Variants in IL7 observed in about 807,000 individuals in gnomAD.
IL7 encodes the protein interleukin-7.
IL7 carries 3 observed loss-of-function variants against 21.6 expected under a neutral mutation model. That is an observed-to-expected ratio of 0.14 (90% CI 0.06 to 0.36). IL7 has a LOEUF of 0.36. Among genes scored for constraint, IL7 ranks in the 10% least tolerant of loss-of-function variants. The pLI is 1.00. For synonymous variants in IL7, 62 were observed against 68.1 expected (o/e 0.91, Z 0.44); for missense variants, 175 against 200.2 (o/e 0.87, Z 0.76).
chr8:78,785,842 T>C (rs1343085385), intron 2 of IL7, among the ~76,000 whole-genome samples: 2 of 152,204 alleles, frequency 1.3e-5, no homozygotes, highest in Non-Finnish European at 2.9e-5. Context: ...AATTTCTAAG[T>C]GAAGCCACAG....
intron 1 of IL7, among the ~76,000 whole-genome samples, chr8:78,801,458 G>A (rs1419189125): frequency 6.6e-6 from 1 of 152,182 alleles, no homozygotes; most frequent in Non-Finnish European, 1.5e-5. Flanking sequence ...TTGGGAGGCT[G>A]AGGCAGGAGG....
intron 2 of IL7, among the ~76,000 whole-genome samples, chr8:78,775,244 G>A (rs189888944): frequency 1.2e-4 from 19 of 152,222 alleles, no homozygotes; most frequent in Admixed American, 2.6e-4. Flanking sequence ...GATTTGCCTA[G>A]CTATCAGTGT....
intron 2 of IL7, among the ~76,000 whole-genome samples, chr8:78,751,112 A>G (rs1812155784): frequency 6.6e-6 from 1 of 151,818 alleles, no homozygotes; most frequent in South Asian, 2.1e-4. Context: ...AAACTGATAA[A>G]AAAGAACAGA....
In IL7 at chr8:78,779,669, G is replaced by A. The variant is rs181687660; in HGVS notation, c.147+18403C>T. On this transcript the variant is annotated intron_variant, in intron 2 of 5. Transcript: ENST00000263851. The stretch of plus-strand genomic sequence containing the variant: ...TTTTACCGAAGATTTTTGTATTGAC[G>A]TTCATCAGAGATGTTGGCCTGAAGT... Among the ~76,000 whole-genome samples, 373 of 152,244 alleles carry A rather than the reference G, an allele frequency of 2.5e-3. 2 individuals are homozygous for A. The highest frequency in any genetic ancestry group is 8.4e-3 in the African/African-American group (347 of 41,554).
downstream of IL7, chr8:78,715,358 A>G: frequency 1.3e-6 from 2 of 1,567,214 alleles, no homozygotes; most frequent in East Asian, 2.3e-5. Flanking sequence ...CCCAATAACT[A>G]AAATAAAATT....
At chr8:78,802,377 A>T (rs964666693) in intron 1 of IL7, among the ~76,000 whole-genome samples, 3 of 152,142 alleles carry the variant, frequency 2.0e-5, no homozygotes, top group African/African-American at 2.4e-5. Context: ...TTATAGATGG[A>T]GAATCTGGGG....
At chr8:78,773,173 C>T (rs186105134) in intron 2 of IL7, among the ~76,000 whole-genome samples, 47 of 152,124 alleles carry the variant, frequency 3.1e-4, no homozygotes, top group Admixed American at 2.9e-3. Flanking sequence ...GATAGGACAC[C>T]CTCGATCACA....
intron 3 of IL7, among the ~76,000 whole-genome samples, chr8:78,690,700 A>G (rs1383187794): frequency 1.3e-5 from 2 of 152,206 alleles, no homozygotes; most frequent in African/African-American, 4.8e-5. Flanking sequence ...AAGAATTGAC[A>G]TTTTAACAAT....
rs142285052 is a variant in IL7, at chr8:78,680,629, T to C, written n.274-4525A>G. ...GGCAAAGCAACTACAAACTTCATTT[T>C]TGGAAAAACAAAAGGTAGGCATAAT... On this transcript the variant is annotated intron_variant and non_coding_transcript_variant, in intron 4 of 4. Coordinates refer to the IL7 transcript ENST00000523959. 4.0e-3 allele frequency among the ~76,000 whole-genome samples: 616 copies of C among 152,270 alleles called. 6 individuals are homozygous for C. Among genetic ancestry groups the C allele is most frequent in the African/African-American group, 0.014 (567 of 41,550 alleles).
At position 78,698,531 on chromosome 8, in the gene IL7, A is replaced by G. The variant is rs1810506029; in HGVS notation, n.215-12584T>C. 3.3e-6 allele frequency: 5 copies of G among 1,533,906 alleles called. No homozygotes were observed. The South Asian group carries it at 4.7e-5, about 15-fold the overall frequency. ...CATGCAGGGTAAGTCTACACTGGAT[A>G]TAATTATTAGTGGTATATAATTAAA... On this transcript the variant is annotated intron_variant and non_coding_transcript_variant, in intron 3 of 4. Coordinates refer to the IL7 transcript ENST00000523959.
chr8:78,790,415 T>C (rs371777207), intron 2 of IL7, among the ~76,000 whole-genome samples: 1 of 152,106 alleles, frequency 6.6e-6, no homozygotes, highest in Non-Finnish European at 1.5e-5. Context: ...CCAAAGAACA[T>C]ATGTTAAAAA....
chr8:78,783,428 C>T (rs1031357047), intron 2 of IL7, among the ~76,000 whole-genome samples: 9 of 152,108 alleles, frequency 5.9e-5, no homozygotes, highest in African/African-American at 1.9e-4. Flanking sequence ...ACCACCTAGT[C>T]AGTCCAAATG....
intron 4 of IL7, chr8:78,721,256 T>C (rs1811232805): frequency 6.6e-6 from 1 of 152,030 alleles, no homozygotes; most frequent in Non-Finnish European, 1.5e-5. Context: ...CTTATAACCA[T>C]AAATTATACA....
At chr8:78,767,948 G>A (rs1586086229) in intron 2 of IL7, among the ~76,000 whole-genome samples, 1 of 151,758 alleles carries the variant, frequency 6.6e-6, no homozygotes, top group East Asian at 2.0e-4. Context: ...AGTCCCCAGA[G>A]TGTGATGTTC....
chr8:78,723,685 A>G (rs1811288983), intron 3 of IL7: 1 of 166,064 alleles, frequency 6.0e-6, no homozygotes, highest in Non-Finnish European at 1.5e-5. Flanking sequence ...CATTCTGAGT[A>G]TATACAGAAC....
At chr8:78,688,088 C>G (rs1050035985) in intron 3 of IL7, among the ~76,000 whole-genome samples, 3 of 150,904 alleles carry the variant, frequency 2.0e-5, no homozygotes, top group African/African-American at 7.3e-5. Context: ...CCATACTTTG[C>G]GAAACCCTGT....
chr8:78,720,075 G>A (rs2130629465), intron 5 of IL7, among the ~76,000 whole-genome samples: 1 of 151,924 alleles, frequency 6.6e-6, no homozygotes, highest in South Asian at 2.1e-4. Flanking sequence ...TTCTAGTTAA[G>A]AGCTATACAG....
chr8:78,730,023 T>C (rs764916650), downstream of IL7, among the ~76,000 whole-genome samples: 1 of 151,942 alleles, frequency 6.6e-6, no homozygotes, highest in Non-Finnish European at 1.5e-5. Flanking sequence ...ACACTTAGAT[T>C]GAAGAAAAAG....
intron 3 of IL7, among the ~76,000 whole-genome samples, chr8:78,704,262 C>T (rs1810698903): frequency 6.6e-6 from 1 of 151,742 alleles, no homozygotes; most frequent in African/African-American, 2.4e-5. Context: ...GTTGTGTGCA[C>T]CTGTAGTCCC....
Sources: gnomAD v4.1 joint callset for allele counts (sites outside exome capture counted in the v4.1 genomes callset) on GRCh38, gnomAD v4.1.1 for gene constraint, MANE v1.5 for transcripts, NCBI Gene and HGNC (gene_info 2026-07-23, HGNC 2026-07-21) for gene names.